The following CMTM8 variants were observed in gnomAD, a reference collection of about 807,000 sequenced individuals.
The protein encoded by CMTM8 is CKLF-like MARVEL transmembrane domain-containing protein 8.
CMTM8 carries 12 observed loss-of-function variants against 18.6 expected under a neutral mutation model. That is an observed-to-expected ratio of 0.65 (90% CI 0.41 to 1.05). The LOEUF (loss-of-function observed/expected upper bound fraction) is 1.05, where lower values mean the gene tolerates loss of function less well. CMTM8 is among the 50% of genes least tolerant of loss of function. CMTM8 has a pLI of 0.00. For missense variants in CMTM8, 217 were observed against 227.2 expected (o/e 0.95, Z 0.29); for synonymous variants, 87 against 90.6 (o/e 0.96, Z 0.23).
At chr3:32,293,371 C>T (rs998179953) in intron 1 of CMTM8, among the ~76,000 whole-genome samples, 50 of 152,078 alleles carry the variant, frequency 3.3e-4, no homozygotes, top group African/African-American at 1.1e-3. Flanking sequence ...GCCAACATGG[C>T]GAAACCCCAT....
intron 1 of CMTM8, among the ~76,000 whole-genome samples, chr3:32,267,221 C>T (rs1442265787): frequency 1.3e-5 from 2 of 152,128 alleles, no homozygotes; most frequent in African/African-American, 4.8e-5. Context: ...CTACAGTAAC[C>T]AAAACAGCAT....
chr3:32,295,484 C>T (rs77241102), intron 1 of CMTM8, among the ~76,000 whole-genome samples: 1 of 86,398 alleles, frequency 1.2e-5, no homozygotes, highest in Admixed American at 1.5e-4. Flanking sequence ...AAAAACAAAA[C>T]AAAACAGCGG....
At chr3:32,279,872 T>A (rs11720051) in intron 1 of CMTM8, among the ~76,000 whole-genome samples, 6 of 141,322 alleles carry the variant, frequency 4.2e-5, no homozygotes, top group South Asian at 2.4e-4. Context: ...ATTGCCATTC[T>A]AACTGGTGTG....
intron 1 of CMTM8, among the ~76,000 whole-genome samples, chr3:32,244,787 T>C (rs1701989324): frequency 6.6e-6 from 1 of 152,184 alleles, no homozygotes; most frequent in Non-Finnish European, 1.5e-5. Flanking sequence ...TGTCTGTCTT[T>C]CCACATTTGT....
intron 1 of CMTM8, among the ~76,000 whole-genome samples, chr3:32,329,624 A>G (rs1426284438): frequency 1.3e-5 from 2 of 152,212 alleles, no homozygotes; most frequent in South Asian, 2.1e-4. Context: ...TTACCTCAAC[A>G]TACTAAAGAC....
At chr3:32,306,087 TC>T (rs1695709805) in intron 1 of CMTM8, among the ~76,000 whole-genome samples, 1 of 152,208 alleles carries the variant, frequency 6.6e-6, no homozygotes, top group Admixed American at 6.5e-5. Flanking sequence ...CACTCCTTTT[TC>T]GTGAGTCTGT....
At chr3:32,242,879 A>G (rs1364461345) in intron 1 of CMTM8, among the ~76,000 whole-genome samples, 5 of 149,276 alleles carry the variant, frequency 3.3e-5, no homozygotes, top group Non-Finnish European at 7.4e-5. Context: ...TTTTTTTGAG[A>G]CAGAGTCTGG....
rs115330297 is a variant in CMTM8 at position 32,249,355 on chromosome 3, G to A, written c.147+10236G>A. Among the ~76,000 whole-genome samples, 1,077 of 151,776 alleles carry A rather than the reference G, an allele frequency of 7.1e-3. 15 individuals carry two copies. The highest frequency in any genetic ancestry group is 0.025 in the African/African-American group (1,017 of 41,318). On this transcript the variant is annotated intron_variant, in intron 1 of 3. Transcript: ENST00000307526. ...TGAAGTGGGGGGATCACTTGAGCCA[G>A]GGAAGTTGAAGCTGCAGTGAGCTGA... is the stretch of plus-strand genomic sequence containing the variant.
intron 2 of CMTM8, among the ~76,000 whole-genome samples, chr3:32,367,529 C>T (rs1200262839): frequency 2.6e-5 from 4 of 152,170 alleles, no homozygotes; most frequent in East Asian, 1.9e-4. Context: ...CTGAGCCCAC[C>T]GAGTGGGCGC....
chr3:32,327,998 C>G (rs2125581770), intron 1 of CMTM8, among the ~76,000 whole-genome samples: 1 of 152,244 alleles, frequency 6.6e-6, no homozygotes, highest in East Asian at 1.9e-4. Context: ...ACTGCTTGAG[C>G]TCAGGGGTTT....
At chr3:32,253,640 A>G (rs1702141905) in intron 1 of CMTM8, among the ~76,000 whole-genome samples, 1 of 152,128 alleles carries the variant, frequency 6.6e-6, no homozygotes, top group South Asian at 2.1e-4. Context: ...GGCGTGAGCC[A>G]CCATGCCTGG....
chr3:32,315,428 C>T (rs531507147), intron 1 of CMTM8, among the ~76,000 whole-genome samples: 3 of 152,326 alleles, frequency 2.0e-5, no homozygotes, highest in African/African-American at 7.2e-5. Flanking sequence ...CCACGCCCAG[C>T]CCTGTTTTCA....
intron 1 of CMTM8, among the ~76,000 whole-genome samples, chr3:32,353,882 T>C (rs1696761028): frequency 6.6e-6 from 1 of 151,582 alleles, no homozygotes; most frequent in South Asian, 2.1e-4. Flanking sequence ...CCTCCTGGGT[T>C]CAAGCGATTC....
At chr3:32,280,636 G>A (rs574978343) in intron 1 of CMTM8, among the ~76,000 whole-genome samples, 1 of 151,954 alleles carries the variant, frequency 6.6e-6, no homozygotes, top group Non-Finnish European at 1.5e-5. Context: ...TCAAAAATCT[G>A]TAGTTTCATT....
intron 3 of CMTM8, 52 bp from the exon 4 acceptor site, chr3:32,369,832 C>A: frequency 8.4e-7 from 1 of 1,186,502 alleles, no homozygotes; most frequent in South Asian, 1.3e-5. Context: ...ATAACTTTTG[C>A]TAATTAGGAT....
chr3:32,311,644 GTAT>G (rs1195053888), intron 1 of CMTM8, among the ~76,000 whole-genome samples: 1 of 152,112 alleles, frequency 6.6e-6, no homozygotes, highest in East Asian at 1.9e-4. Flanking sequence ...TTCCTCTCTA[GTAT>G]TCATAGTCAG....
Position 32,319,074 on chromosome 3 carries a change from A to ATATATTTTTTTTTTTTTTTT in CMTM8, c.148-38298_148-38297insATATTTTTTTTTTTTTTTTT. The stretch of plus-strand genomic sequence containing the variant: ...TGTATATACATATATATATATATAT[A>ATATATTTTTTTTTTTTTTTT]TTTTTTTTTTTTTTTTTTTTTGAGA... On this transcript the variant is annotated intron_variant, in intron 1 of 3. Coordinates refer to ENST00000307526, the MANE Select transcript of CMTM8 (RefSeq NM_178868.5). Among the ~76,000 whole-genome samples, 14 of 31,530 alleles carry ATATATTTTTTTTTTTTTTTT rather than the reference A, an allele frequency of 4.4e-4. 1 individual carries two copies. Among genetic ancestry groups the ATATATTTTTTTTTTTTTTTT allele is most frequent in the Non-Finnish European group, 5.6e-4 (11 of 19,618 alleles). 20.7% of individuals were successfully genotyped at this position (31,530 alleles called of 152,430 possible).
chr3:32,258,990 C>T, intron 1 of CMTM8: 1 of 332,476 alleles, frequency 3.0e-6, no homozygotes, highest in Non-Finnish European at 5.8e-6. Context: ...AGTCCGTGGG[C>T]TCTGTCCAGG....
intron 1 of CMTM8, among the ~76,000 whole-genome samples, chr3:32,277,802 G>A (rs1034507196): frequency 5.3e-5 from 8 of 152,142 alleles, no homozygotes; most frequent in African/African-American, 1.9e-4. Flanking sequence ...TGATCTCTTG[G>A]AAAATTGGAC....
Sources: gnomAD v4.1 joint callset for allele counts (sites outside exome capture counted in the v4.1 genomes callset) on GRCh38, gnomAD v4.1.1 for gene constraint, MANE v1.5 for transcripts, NCBI Gene and HGNC (gene_info 2026-07-23, HGNC 2026-07-21) for gene names.